Variants in RABGAP1L observed in about 807,000 individuals in gnomAD.
RABGAP1L encodes RAB GTPase activating protein 1 like, also known as rab GTPase-activating protein 1-like.
A neutral mutation model predicts 137.7 loss-of-function variants in RABGAP1L; 63 were observed. That is an observed-to-expected ratio of 0.46 (90% CI 0.37 to 0.56). The LOEUF (loss-of-function observed/expected upper bound fraction) is 0.56, where lower values mean the gene tolerates loss of function less well. Ranked by LOEUF, RABGAP1L falls within the 20% of genes least tolerant of loss-of-function variation. The probability of loss-of-function intolerance (pLI) is 0.00; values close to 1 mark genes in which losing one functional copy is unlikely to be tolerated. For synonymous variants in RABGAP1L, 431 were observed against 433.7 expected, an observed-to-expected ratio of 0.99 and a Z score of 0.08; for missense variants, 1,095 against 1,244.0, an observed-to-expected ratio of 0.88 and a Z score of 1.80.
intron 18 of RABGAP1L, among the ~76,000 whole-genome samples, chr1:174,789,551 A>G (rs1432625872): frequency 1.3e-5 from 2 of 152,162 alleles, no homozygotes; most frequent in Admixed American, 6.5e-5. Flanking sequence ...ACTGTAAGCT[A>G]AATTTACTCA....
chr1:174,438,582 G>A (rs997860123), intron 13 of RABGAP1L, among the ~76,000 whole-genome samples: 8 of 151,316 alleles, frequency 5.3e-5, no homozygotes, highest in African/African-American at 1.7e-4. Context: ...GCCAGGCATG[G>A]TGGTGGGCAC....
chr1:174,642,798 T>C (rs914043308), intron 14 of RABGAP1L, among the ~76,000 whole-genome samples: 2 of 131,210 alleles, frequency 1.5e-5, no homozygotes, highest in African/African-American at 2.9e-5. Flanking sequence ...TCTTCTCTCC[T>C]CTTCTCTTCG....
At chr1:174,284,395 C>T (rs775661279) in intron 10 of RABGAP1L, among the ~76,000 whole-genome samples, 17 of 152,196 alleles carry the variant, frequency 1.1e-4, no homozygotes, top group Non-Finnish European at 2.1e-4. Flanking sequence ...TCCACCTTTA[C>T]CCATGTTACT....
intron 24 of RABGAP1L, among the ~76,000 whole-genome samples, chr1:174,987,195 T>C (rs1038167431): frequency 2.0e-5 from 3 of 150,278 alleles, no homozygotes; most frequent in African/African-American, 4.9e-5. Flanking sequence ...TGAGACGGAG[T>C]CTTGCTCTGT....
chr1:174,887,355 A>C (rs1331289280), intron 19 of RABGAP1L, among the ~76,000 whole-genome samples: 2 of 152,218 alleles, frequency 1.3e-5, no homozygotes. Flanking sequence ...TATTCACAAA[A>C]ATTGCACATG....
At chr1:174,886,544 T>C (rs867833868) in intron 19 of RABGAP1L, among the ~76,000 whole-genome samples, 48 of 152,296 alleles carry the variant, frequency 3.2e-4, no homozygotes, top group African/African-American at 1.1e-3. Context: ...ATAGAAAAAG[T>C]TGGTTCAGGA....
At position 174,761,857 on chromosome 1, in the gene RABGAP1L, GCC is replaced by G. The variant is rs1685254377; in HGVS notation, c.2211+9504_2211+9505del. Among the ~76,000 whole-genome samples, 3 of 152,058 alleles carry G rather than the reference GCC, an allele frequency of 2.0e-5. No individual in the cohort carries two copies. Among genetic ancestry groups the G allele is most frequent in the African/African-American group, 7.3e-5 (3 of 41,368 alleles). ...AAGATGAGGTTTGGGTGGGGACACA[GCC>G]AAACCATATCAACAATAAACATAAT... On this transcript the variant is annotated intron_variant, in intron 18 of 25. Coordinates refer to ENST00000681986, the MANE Select transcript of RABGAP1L (RefSeq NM_001366446.1). The surrounding 1 kb of genome is among the most constrained non-coding windows in gnomAD (Gnocchi z 4.0).
At chr1:174,663,367 T>G (rs572701625) in intron 14 of RABGAP1L, among the ~76,000 whole-genome samples, 44 of 152,352 alleles carry the variant, frequency 2.9e-4, no homozygotes, top group African/African-American at 9.1e-4. Flanking sequence ...AATTGCCTAC[T>G]ATTCAGTCCA....
At chr1:174,237,093 C>T (rs1671264652) in intron 4 of RABGAP1L, among the ~76,000 whole-genome samples, 1 of 149,998 alleles carries the variant, frequency 6.7e-6, no homozygotes, top group South Asian at 2.1e-4. Context: ...GATTGCAACC[C>T]CTGTCTTTTT....
At chr1:174,410,048 T>A (rs1649738206) in intron 13 of RABGAP1L, among the ~76,000 whole-genome samples, 1 of 152,174 alleles carries the variant, frequency 6.6e-6, no homozygotes, top group South Asian at 2.1e-4. Context: ...ATGTGATCTT[T>A]GTGACCTACT....
chr1:174,854,864 A>C (rs1270505289), intron 19 of RABGAP1L, among the ~76,000 whole-genome samples: 1 of 150,710 alleles, frequency 6.6e-6, no homozygotes, highest in Non-Finnish European at 1.5e-5. Context: ...CAGCCTCCTG[A>C]GTAGCTGGGA....
intron 11 of RABGAP1L, among the ~76,000 whole-genome samples, chr1:174,332,002 G>T (rs763570851): frequency 6.6e-6 from 1 of 152,120 alleles, no homozygotes; most frequent in Non-Finnish European, 1.5e-5. Flanking sequence ...GAGTGCAGTG[G>T]TGCCAAAAAC....
chr1:174,624,908 T>A (rs1672829640), intron 13 of RABGAP1L, among the ~76,000 whole-genome samples: 1 of 150,854 alleles, frequency 6.6e-6, no homozygotes, highest in African/African-American at 2.4e-5. Context: ...TCTTACTCTG[T>A]CACCCAGGCT....
intron 11 of RABGAP1L, among the ~76,000 whole-genome samples, chr1:174,320,381 T>C (rs1571202566): frequency 6.6e-6 from 1 of 152,354 alleles, no homozygotes; most frequent in East Asian, 1.9e-4. Context: ...CGTAGCATAA[T>C]GCCTTTTAGA....
chr1:174,269,817 A>G (rs1341234390), intron 7 of RABGAP1L, among the ~76,000 whole-genome samples: 3 of 152,166 alleles, frequency 2.0e-5, no homozygotes, highest in Admixed American at 6.5e-5. Context: ...CCCCCCCACT[A>G]TACTGTAAAC....
intron 13 of RABGAP1L, among the ~76,000 whole-genome samples, chr1:174,587,379 C>T (rs1669202927): frequency 6.6e-6 from 1 of 151,314 alleles, no homozygotes; most frequent in Non-Finnish European, 1.5e-5. Flanking sequence ...ACCAGCATGG[C>T]ACATGTATAC....
At chr1:174,668,403 T>C (rs1676938713) in intron 14 of RABGAP1L, among the ~76,000 whole-genome samples, 1 of 152,154 alleles carries the variant, frequency 6.6e-6, no homozygotes, top group African/African-American at 2.4e-5. Flanking sequence ...TAATGTAATA[T>C]CTTTTAGTTT....
chr1:174,453,632 T>C (rs1245978834), intron 13 of RABGAP1L, among the ~76,000 whole-genome samples: 2 of 152,182 alleles, frequency 1.3e-5, no homozygotes, highest in African/African-American at 4.8e-5. Flanking sequence ...CAAAAGATGC[T>C]CTTTTCCTTG....
At chr1:174,321,860 A>T (rs1289678803) in intron 11 of RABGAP1L, among the ~76,000 whole-genome samples, 2 of 152,114 alleles carry the variant, frequency 1.3e-5, no homozygotes, top group East Asian at 1.9e-4. Flanking sequence ...GTTTTTGTGT[A>T]TCTTTTCATG....
Sources: gnomAD v4.1 joint callset for allele counts (sites outside exome capture counted in the v4.1 genomes callset) on GRCh38, gnomAD v4.1.1 for gene constraint, Gnocchi (gnomAD v3.1) non-coding constraint, MANE v1.5 for transcripts, NCBI Gene and HGNC (gene_info 2026-07-23, HGNC 2026-07-21) for gene names.